EEIG1: variants seen among roughly 807,000 people sequenced by gnomAD.
EEIG1 encodes the protein estrogen-induced osteoclastogenesis regulator 1.
the EEIG1 span, among the ~76,000 whole-genome samples, chr9:127,972,971 G>A: frequency 2.6e-5 from 4 of 152,146 alleles, no homozygotes; most frequent in African/African-American, 9.7e-5. The surrounding 1 kb of genome is among the most constrained non-coding windows in gnomAD (Gnocchi z 4.3). Context: ...CATATCTGGA[G>A]TCCCCATAAT....
chr9:127,947,605 A>G, the EEIG1 span, among the ~76,000 whole-genome samples: 1 of 152,178 alleles, frequency 6.6e-6, no homozygotes, highest in Non-Finnish European at 1.5e-5. Flanking sequence ...AGTCAAAGTC[A>G]TAGAGTATGT....
At chr9:127,974,941 C>T in the EEIG1 span, among the ~76,000 whole-genome samples, 3 of 152,224 alleles carry the variant, frequency 2.0e-5, no homozygotes, top group African/African-American at 2.4e-5. Context: ...AGAATCCCAT[C>T]GAACCTCCAC....
the EEIG1 span, among the ~76,000 whole-genome samples, chr9:127,959,817 C>T: frequency 5.9e-5 from 9 of 152,072 alleles, no homozygotes; most frequent in African/African-American, 1.7e-4. Context: ...ACCCAGTCTT[C>T]GGTATTTCTT....
chr9:127,968,290 T>C, the EEIG1 span, among the ~76,000 whole-genome samples: 1 of 152,082 alleles, frequency 6.6e-6, no homozygotes, highest in South Asian at 2.1e-4. Context: ...CTCGAATGAC[T>C]AGACTCAAGT....
chr9:127,943,120 G>A, the EEIG1 span: 1 of 1,456,098 alleles, frequency 6.9e-7, no homozygotes, highest in East Asian at 2.3e-5. Context: ...GAAGGGGAAA[G>A]TTCCTCATGG....
the EEIG1 span, chr9:127,945,814 C>T: frequency 1.0e-5 from 12 of 1,190,464 alleles, no homozygotes; most frequent in East Asian, 5.1e-5. The surrounding 1 kb of genome is among the most constrained non-coding windows in gnomAD (Gnocchi z 6.5). Context: ...TGCTCACTGT[C>T]GCCCTTCACA....
chr9:127,947,817 T>C, the EEIG1 span, among the ~76,000 whole-genome samples: 1 of 152,178 alleles, frequency 6.6e-6, no homozygotes, highest in Admixed American at 6.5e-5. Context: ...CTGTTTCTTC[T>C]GCTAGACTGC....
chr9:127,957,945 G>A, the EEIG1 span, among the ~76,000 whole-genome samples: 1 of 152,100 alleles, frequency 6.6e-6, no homozygotes, highest in Non-Finnish European at 1.5e-5. Flanking sequence ...CCCAGGAGGC[G>A]GAGGTTGCAG....
the EEIG1 span, among the ~76,000 whole-genome samples, chr9:127,975,187 TG>T: frequency 1.3e-5 from 2 of 152,354 alleles, no homozygotes; most frequent in Admixed American, 1.3e-4. Flanking sequence ...GGACTGGGCC[TG>T]GCGTGGGGCC....
the EEIG1 span, chr9:127,943,607 T>G: frequency 4.0e-6 from 1 of 251,058 alleles, no homozygotes; most frequent in East Asian, 1.0e-4. Context: ...TCAGCTCCTT[T>G]CCCTGCCGAG....
At chr9:127,955,021 C>G in the EEIG1 span, among the ~76,000 whole-genome samples, 1 of 152,206 alleles carries the variant, frequency 6.6e-6, no homozygotes, top group East Asian at 1.9e-4. Context: ...CATCCCCGAG[C>G]AGCTCCCCAT....
At chr9:127,953,397 T>G in the EEIG1 span, 1 of 624,004 alleles carries the variant, frequency 1.6e-6, no homozygotes, top group South Asian at 2.0e-5. Flanking sequence ...AACAACCATA[T>G]GCTGCCTTTA....
chr9:127,964,254 G>A, the EEIG1 span, among the ~76,000 whole-genome samples: 2 of 152,244 alleles, frequency 1.3e-5, no homozygotes, highest in Non-Finnish European at 2.9e-5. Context: ...TCTCTCCACT[G>A]CTCAACAGAG....
At chr9:127,943,199 C>T in the EEIG1 span, 1 of 1,614,196 alleles carries the variant, frequency 6.2e-7, no homozygotes, top group South Asian at 1.1e-5. Flanking sequence ...TCCTCAATGG[C>T]TTTCAATCAC....
chr9:127,948,286 G>A, the EEIG1 span: 4 of 1,611,956 alleles, frequency 2.5e-6, no homozygotes, highest in Admixed American at 5.0e-5. Flanking sequence ...GAAAACAGAG[G>A]ACACCCAGAG....
chr9:127,947,937 C>T, the EEIG1 span: 2 of 1,026,292 alleles, frequency 1.9e-6, no homozygotes, highest in Non-Finnish European at 2.9e-6. Context: ...CTCATCAGCC[C>T]AGCAGGAGCA....
At chr9:127,980,026 G>C in the EEIG1 span, 2 of 1,613,516 alleles carry the variant, frequency 1.2e-6, no homozygotes, top group Non-Finnish European at 1.7e-6. Context: ...CCTCCATCCA[G>C]CAGCCGGACC....
chr9:127,973,073 G>C, the EEIG1 span, among the ~76,000 whole-genome samples: 7 of 152,130 alleles, frequency 4.6e-5, no homozygotes, highest in Non-Finnish European at 1.0e-4. The surrounding 1 kb of genome is among the most constrained non-coding windows in gnomAD (Gnocchi z 4.2). Flanking sequence ...CAAATCTGGT[G>C]TCTCTCCCCT....
chr9:127,969,232 C>T, the EEIG1 span, among the ~76,000 whole-genome samples: 14,110 of 152,232 alleles, frequency 0.093, 710 homozygotes, highest in African/African-American at 0.11. Flanking sequence ...CTCTGAGAGA[C>T]GAATGTGCCT....
Sources: gnomAD v4.1 joint callset for allele counts (sites outside exome capture counted in the v4.1 genomes callset) on GRCh38, gnomAD v4.1.1 for gene constraint, Gnocchi (gnomAD v3.1) non-coding constraint, MANE v1.5 for transcripts, NCBI Gene and HGNC (gene_info 2026-07-23, HGNC 2026-07-21) for gene names.